The following TMEFF2 variants were observed in gnomAD, a reference collection of about 807,000 sequenced individuals.
The protein encoded by TMEFF2 is tomoregulin-2.
A neutral mutation model predicts 53.8 loss-of-function variants in TMEFF2; 28 were observed. The ratio of observed to expected loss-of-function variants is 0.52; its 90% CI spans 0.39 to 0.71. The LOEUF (loss-of-function observed/expected upper bound fraction) is 0.71. Ranked by LOEUF, TMEFF2 falls within the 30% of genes least tolerant of loss-of-function variation. The probability of loss-of-function intolerance (pLI) is 0.00; values close to 1 mark genes in which losing one functional copy is unlikely to be tolerated. For synonymous variants in TMEFF2, 162 were observed against 166.3 expected (o/e 0.97, Z 0.20); for missense variants, 353 against 455.2 (o/e 0.78, Z 2.04).
At chr2:192,007,640 G>C (rs985431598) in intron 5 of TMEFF2, among the ~76,000 whole-genome samples, 1 of 152,194 alleles carries the variant, frequency 6.6e-6, no homozygotes, top group Non-Finnish European at 1.5e-5. Flanking sequence ...AGTCCAAGGA[G>C]TGACCTTTAT....
intron 4 of TMEFF2, among the ~76,000 whole-genome samples, chr2:192,110,760 T>A (rs897977204): frequency 6.6e-6 from 1 of 152,212 alleles, no homozygotes; most frequent in Non-Finnish European, 1.5e-5. Flanking sequence ...TTGATATGGT[T>A]TGGCTGTGTC....
At position 191,956,381 on chromosome 2, in the gene TMEFF2, G is replaced by A. The variant is rs774789205; in HGVS notation, c.746-3C>T. On this transcript the variant is annotated splice_polypyrimidine_tract_variant and splice_region_variant and intron_variant, in intron 7 of 9. Transcript: ENST00000272771. ...TTCTTCTAATTTGTTAGCATTCTCT[G>A]TGAATACAGATAAAAGTAAGCACCC... 3 of 1,611,800 alleles carry A rather than the reference G, an allele frequency of 1.9e-6. No individual in the cohort carries two copies.
intron 5 of TMEFF2, among the ~76,000 whole-genome samples, chr2:192,038,489 A>G (rs1400154458): frequency 1.3e-5 from 2 of 151,528 alleles, no homozygotes; most frequent in African/African-American, 4.9e-5. Flanking sequence ...AACCATCCCA[A>G]CTCCTACTGA....
chr2:192,174,617 C>G (rs1690992956), intron 4 of TMEFF2, among the ~76,000 whole-genome samples: 1 of 151,736 alleles, frequency 6.6e-6, no homozygotes, highest in Non-Finnish European at 1.5e-5. Flanking sequence ...TCCAGCAGAA[C>G]AGCAGCTCTC....
rs111250204 is a variant in TMEFF2 at position 192,107,319 on chromosome 2, A to G, written c.440-49544T>C. ...CATCACTTACTGATGAAGAATCTTG[A>G]TATTGTCATGGATTAGCACAAAAGA... On this transcript the variant is annotated intron_variant, in intron 4 of 9. Coordinates refer to ENST00000272771, the MANE Select transcript of TMEFF2 (RefSeq NM_016192.4). 5.5e-3 allele frequency among the ~76,000 whole-genome samples: 833 copies of G among 151,812 alleles called. 5 individuals carry two copies. The highest frequency in any genetic ancestry group is 0.017 in the African/African-American group (698 of 41,538).
chr2:192,050,660 G>T (rs747906659), intron 5 of TMEFF2, among the ~76,000 whole-genome samples: 2 of 152,088 alleles, frequency 1.3e-5, no homozygotes, highest in African/African-American at 2.4e-5. Flanking sequence ...TGCAAATATG[G>T]CATTTGTTGA....
chr2:192,129,665 C>T (rs1383001446), intron 4 of TMEFF2, among the ~76,000 whole-genome samples: 1 of 152,162 alleles, frequency 6.6e-6, no homozygotes, highest in African/African-American at 2.4e-5. Flanking sequence ...GCTGATGTTG[C>T]TCCAGGACTT....
At chr2:192,099,999 A>C (rs1011055618) in intron 4 of TMEFF2, among the ~76,000 whole-genome samples, 1 of 152,176 alleles carries the variant, frequency 6.6e-6, no homozygotes, top group Non-Finnish European at 1.5e-5. Context: ...GTGCCAGCCT[A>C]ATAATGAATT....
chr2:192,008,166 C>A (rs1375805651), intron 5 of TMEFF2, among the ~76,000 whole-genome samples: 2 of 152,204 alleles, frequency 1.3e-5, no homozygotes, highest in East Asian at 3.9e-4. Context: ...GAGAATAATG[C>A]CTTGTATTAA....
chr2:192,184,432 T>G lies in TMEFF2; in HGVS notation c.334A>C (p.Asn112His), dbSNP rs1403463501. ...GCAGCCTGTCGCAGGTAACACTCAT[T>G]CTGGTAGCTCTCCCCATTGGAGCCA... ...VCGSNGESYQ[N>H]ECYLRQAACK... The change falls in exon 3 of 10, where the codon AAT becomes CAT. Residue 112 changes from asparagine (N) to histidine (H), a missense_variant. Physicochemically the swap from Asn to His is moderately conservative, Grantham distance 68. Around this residue, in one of 3 missense-constraint regions of TMEFF2, gnomAD observed 294 missense variants for 397.3 expected, o/e 0.74. Coordinates refer to ENST00000272771, the MANE Select transcript of TMEFF2 (RefSeq NM_016192.4). 1 of 1,613,292 alleles carries G rather than the reference T, an allele frequency of 6.2e-7. No individual in the cohort carries two copies. The highest frequency in any genetic ancestry group is 8.5e-7 in the Non-Finnish European group (1 of 1,179,532).
chr2:192,099,982 G>C (rs1311734640), intron 4 of TMEFF2, among the ~76,000 whole-genome samples: 3 of 152,096 alleles, frequency 2.0e-5, no homozygotes, highest in Admixed American at 2.0e-4. Flanking sequence ...AATGCCCACA[G>C]TAAGAAGTGC....
At chr2:192,183,624 A>G (rs570730729) in intron 3 of TMEFF2, among the ~76,000 whole-genome samples, 2 of 152,214 alleles carry the variant, frequency 1.3e-5, no homozygotes, top group South Asian at 4.1e-4. Flanking sequence ...TTTGATATCA[A>G]GCTTAACTTG....
At chr2:192,074,637 T>A (rs947228537) in intron 4 of TMEFF2, among the ~76,000 whole-genome samples, 6 of 151,914 alleles carry the variant, frequency 3.9e-5, no homozygotes, top group Non-Finnish European at 8.8e-5. Flanking sequence ...TAAATAAAAT[T>A]AAAAATCCAG....
intron 7 of TMEFF2, among the ~76,000 whole-genome samples, chr2:191,984,844 G>A (rs1220027622): frequency 6.6e-6 from 1 of 152,032 alleles, no homozygotes; most frequent in African/African-American, 2.4e-5. Context: ...ACAGAACTAC[G>A]TGGAGCATAA....
At chr2:192,038,937 A>G (rs111526467) in intron 5 of TMEFF2, among the ~76,000 whole-genome samples, 438 of 152,308 alleles carry the variant, frequency 2.9e-3, no homozygotes, top group Non-Finnish European at 3.8e-3. Flanking sequence ...ATAGGCAGCA[A>G]AAATAGAATT....
chr2:191,950,250 A>G lies in TMEFF2; in HGVS notation c.*61T>C, dbSNP rs1691830934. Reference sequence around the variant, plus strand: ...GATCTCTTGTCTTATTCTTTTGTCTATAATACTGTATTGTGTAGTCCAAGC... The same window carrying G: ...GATCTCTTGTCTTATTCTTTTGTCTGTAATACTGTATTGTGTAGTCCAAGC... On this transcript the variant is annotated 3_prime_UTR_variant, in exon 10 of 10. Coordinates refer to ENST00000272771, the MANE Select transcript of TMEFF2 (RefSeq NM_016192.4). 9.4e-6 allele frequency: 15 copies of G among 1,592,710 alleles called. No homozygotes were observed. Among genetic ancestry groups the G allele is most frequent in the Non-Finnish European group, 1.2e-5 (14 of 1,171,196 alleles).
At chr2:192,006,060 CTTT>C (rs56336479) in intron 5 of TMEFF2, among the ~76,000 whole-genome samples, 4,260 of 140,048 alleles carry the variant, frequency 0.03, 205 homozygotes, top group African/African-American at 0.11. Flanking sequence ...TCTCAGGTGA[CTTT>C]TTTTTTTTTT....
chr2:192,061,309 G>C (rs138088844), intron 4 of TMEFF2, among the ~76,000 whole-genome samples: 208 of 151,928 alleles, frequency 1.4e-3, no homozygotes, highest in African/African-American at 4.7e-3. Flanking sequence ...AATATCTGCT[G>C]GTTCCCCATT....
intron 3 of TMEFF2, among the ~76,000 whole-genome samples, chr2:192,183,545 C>G (rs1452455008): frequency 1.3e-5 from 2 of 151,982 alleles, no homozygotes; most frequent in South Asian, 2.1e-4. Context: ...TATGACTTTC[C>G]AGAAAGATGC....
Sources: gnomAD v4.1 joint callset for allele counts (sites outside exome capture counted in the v4.1 genomes callset) on GRCh38, gnomAD v4.1.1 for gene constraint, gnomAD v4.1.1 regional missense constraint, MANE v1.5 for transcripts, NCBI Gene and HGNC (gene_info 2026-07-23, HGNC 2026-07-21) for gene names.